The following TMC2 variants were observed in gnomAD, a reference collection of about 807,000 sequenced individuals.
TMC2 encodes the protein transmembrane channel-like protein 2.
TMC2 carries 102 observed loss-of-function variants against 105.9 expected under a neutral mutation model. The observed-to-expected ratio is 0.96, with a 90% CI of 0.82 to 1.14. The LOEUF is 1.14. TMC2 is among the 50% of genes most tolerant of loss of function. TMC2 has a pLI of 0.00. For synonymous variants in TMC2, 402 were observed against 422.8 expected (o/e 0.95, Z 0.60); for missense variants, 1,093 against 1,134.3 (o/e 0.96, Z 0.52).
At chr20:2,620,931 G>T (rs2086520419) in intron 16 of TMC2, among the ~76,000 whole-genome samples, 1 of 152,144 alleles carries the variant, frequency 6.6e-6, no homozygotes, top group Admixed American at 6.5e-5. Context: ...GTAATGGAGT[G>T]TTTACAACTT....
At chr20:2,633,467 T>C (rs2086618657) in intron 17 of TMC2, among the ~76,000 whole-genome samples, 1 of 150,110 alleles carries the variant, frequency 6.7e-6, no homozygotes, top group Non-Finnish European at 1.5e-5. Flanking sequence ...GGTTAGCCTA[T>C]TGTTTGCCCC....
Position 2,558,808 on chromosome 20 carries a change from C to T in TMC2, c.401+34C>T, listed in dbSNP as rs942528823. 10 of 1,494,616 alleles carry T rather than the reference C, an allele frequency of 6.7e-6. No individual in the cohort carries two copies. Among genetic ancestry groups the T allele is most frequent in the Non-Finnish European group, 8.9e-6 (10 of 1,122,474 alleles). 92.6% of individuals were successfully genotyped at this position (1,494,616 alleles called of 1,614,324 possible). A position where few individuals can be genotyped will look rare whatever the true frequency, so the allele number is the denominator to read the frequency against. Reference sequence around the variant, plus strand: ...TGGCTCCGATTCTGGGCATTCGCTCCGCGCGCTCCCGCTCCTTCGCGGCCC... The same window carrying T: ...TGGCTCCGATTCTGGGCATTCGCTCTGCGCGCTCCCGCTCCTTCGCGGCCC... On this transcript the variant is annotated intron_variant, in intron 3 of 19. Coordinates refer to ENST00000358864, the MANE Select transcript of TMC2 (RefSeq NM_080751.3). This position sits in a 1 kb window ranked among gnomAD's most constrained non-coding sequence, Gnocchi z 4.6.
At chr20:2,579,919 C>T (rs748271885) in intron 6 of TMC2, 31 bp from the exon 7 acceptor site, 108 of 1,483,924 alleles carry the variant, frequency 7.3e-5, no homozygotes, top group Non-Finnish European at 1.0e-4. Flanking sequence ...CCTTCTGCAG[C>T]ACTCATACCC....
In TMC2 at chr20:2,539,972, ATTCTT is replaced by A. The variant is rs1242838485; in HGVS notation, c.82+2674_82+2678del. On this transcript the variant is annotated intron_variant, in intron 2 of 19. Coordinates refer to ENST00000358864, the MANE Select transcript of TMC2 (RefSeq NM_080751.3). ...ACTCCCGCAAATAGCACACAAGACTATTCTTTTCTTTTCTTTTCTTTTTTTTTTTT... is the reference window on the plus strand; with the variant it reads ...ACTCCCGCAAATAGCACACAAGACTATTCTTTTCTTTTCTTTTTTTTTTTT... Among the ~76,000 whole-genome samples, 52 of 142,038 alleles carry A rather than the reference ATTCTT, an allele frequency of 3.7e-4. 1 individual carries two copies. The highest frequency in any genetic ancestry group is 1.2e-3 in the African/African-American group (47 of 38,290). 93.2% of individuals were successfully genotyped at this position (142,038 alleles called of 152,430 possible).
Position 2,612,130 on chromosome 20 carries a change from A to G in TMC2, c.1594-61A>G, listed in dbSNP as rs73572264. On this transcript the variant is annotated intron_variant, in intron 12 of 19. Coordinates refer to ENST00000358864, the MANE Select transcript of TMC2 (RefSeq NM_080751.3). ...GCATTTGCTGGCTTTCACTGTTCTT[A>G]TGGAAACAGTTGGACCATCCCTAGC... is the stretch of plus-strand genomic sequence containing the variant. 2,257 of 1,486,700 alleles carry G rather than the reference A, an allele frequency of 1.5e-3. 36 individuals carry two copies. The African/African-American group carries it at 0.028, about 18-fold the overall frequency. 92.1% of individuals were successfully genotyped at this position (1,486,700 alleles called of 1,614,324 possible). A position where few individuals can be genotyped will look rare whatever the true frequency, so the allele number is the denominator to read the frequency against.
At chr20:2,638,814 ATT>A (rs2086668051) in intron 19 of TMC2, among the ~76,000 whole-genome samples, 1 of 152,196 alleles carries the variant, frequency 6.6e-6, no homozygotes, top group Non-Finnish European at 1.5e-5. Context: ...TGGTCAGTGT[ATT>A]TGTGTTTTAA....
intron 12 of TMC2, 141 bp downstream of exon 12, chr20:2,610,739 C>A: frequency 4.4e-6 from 2 of 454,106 alleles, no homozygotes; most frequent in Non-Finnish European, 6.4e-6. Flanking sequence ...AAAAAAAACT[C>A]CTTGGACTCT....
intron 17 of TMC2, among the ~76,000 whole-genome samples, chr20:2,625,690 C>A (rs1189179200): frequency 6.6e-6 from 1 of 152,186 alleles, no homozygotes; most frequent in African/African-American, 2.4e-5. Flanking sequence ...TTGCAAACTG[C>A]GCTCCAGCCA....
intron 10 of TMC2, among the ~76,000 whole-genome samples, chr20:2,600,823 CAA>C (rs1243434837): frequency 8.4e-6 from 1 of 118,766 alleles, no homozygotes. Context: ...GACTCGGTCT[CAA>C]AAAAAAAAAA....
At chr20:2,641,065 C>A (rs2086684590) in intron 19 of TMC2, 69 bp from the exon 20 acceptor site, 2 of 1,404,924 alleles carry the variant, frequency 1.4e-6, no homozygotes, top group Non-Finnish European at 2.0e-6. Flanking sequence ...CAGGGCGACT[C>A]CAGAGAGCTC....
intron 2 of TMC2, among the ~76,000 whole-genome samples, chr20:2,539,901 A>C (rs2085877333): frequency 6.6e-6 from 1 of 152,138 alleles, no homozygotes; most frequent in South Asian, 2.1e-4. Flanking sequence ...GGAGTGGGCT[A>C]AGGAAACCTG....
chr20:2,548,481 A>C (rs2085937487), intron 2 of TMC2, among the ~76,000 whole-genome samples: 1 of 152,058 alleles, frequency 6.6e-6, no homozygotes, highest in Non-Finnish European at 1.5e-5. Context: ...TCTACTAAAA[A>C]TAGAAAATTA....
chr20:2,621,898 C>A (rs2146254566), intron 16 of TMC2, among the ~76,000 whole-genome samples: 1 of 152,306 alleles, frequency 6.6e-6, no homozygotes, highest in Admixed American at 6.5e-5. Context: ...ACCAGCGTGA[C>A]AAACAGCAGG....
At chr20:2,636,547 C>T (rs963471215) in intron 18 of TMC2, among the ~76,000 whole-genome samples, 4 of 151,986 alleles carry the variant, frequency 2.6e-5, no homozygotes, top group African/African-American at 4.8e-5. Flanking sequence ...TTCTTGCTTT[C>T]TCTGTCCCTC....
chr20:2,604,344 C>T (rs1600125139), intron 11 of TMC2, among the ~76,000 whole-genome samples: 1 of 152,334 alleles, frequency 6.6e-6, no homozygotes, highest in East Asian at 1.9e-4. Context: ...TTGCTTATCA[C>T]CTCAGTCCAT....
intron 5 of TMC2, among the ~76,000 whole-genome samples, chr20:2,577,910 C>T (rs949553741): frequency 2.2e-4 from 33 of 151,254 alleles, no homozygotes; most frequent in African/African-American, 7.8e-4. Flanking sequence ...AAACGTTTCC[C>T]TTTCATCTTC....
intron 2 of TMC2, 140 bp downstream of exon 2, chr20:2,537,456 G>A: frequency 2.6e-6 from 2 of 755,772 alleles, no homozygotes; most frequent in East Asian, 2.7e-5. Flanking sequence ...GCCTTCCTGG[G>A]AGGCAAGGTG....
At chr20:2,633,594 T>C (rs1244629201) in intron 17 of TMC2, among the ~76,000 whole-genome samples, 3 of 152,228 alleles carry the variant, frequency 2.0e-5, no homozygotes, top group Non-Finnish European at 2.9e-5. Flanking sequence ...CAAATAAAGA[T>C]AGCCTTGTGA....
At chr20:2,641,061 G>T in intron 19 of TMC2, 73 bp from the exon 20 acceptor site, 1 of 1,335,070 alleles carries the variant, frequency 7.5e-7, no homozygotes, top group South Asian at 1.2e-5. Context: ...ACCGCAGGGC[G>T]ACTCCAGAGA....
Sources: allele counts gnomAD v4.1 joint callset (sites outside exome capture counted in the v4.1 genomes callset), GRCh38; gene constraint gnomAD v4.1.1; non-coding constraint Gnocchi (gnomAD v3.1); transcripts MANE v1.5; gene names NCBI Gene and HGNC (gene_info 2026-07-23, HGNC 2026-07-21).